The following FAM107A variants were observed in gnomAD, a reference collection of about 807,000 sequenced individuals.
FAM107A encodes actin-associated protein FAM107A.
A neutral mutation model predicts 13.7 loss-of-function variants in FAM107A; 19 were observed. The ratio of observed to expected loss-of-function variants is 1.38; its 90% CI spans 0.97 to 2.03. The LOEUF is 2.03. Ranked by LOEUF, FAM107A falls within the 30% of genes most tolerant of loss-of-function variation. The pLI, the probability that FAM107A is intolerant of heterozygous loss-of-function variation, is 0.00. For missense variants in FAM107A, 203 were observed against 184.4 expected, an observed-to-expected ratio of 1.10 and a Z score of -0.58; for synonymous variants, 82 against 74.5, an observed-to-expected ratio of 1.10 and a Z score of -0.52.
intron 1 of FAM107A, among the ~76,000 whole-genome samples, chr3:58,609,648 C>T (rs6786619): frequency 2.0e-5 from 3 of 152,166 alleles, no homozygotes; most frequent in Non-Finnish European, 4.4e-5. Context: ...CTCCTACAGC[C>T]GCTTTTTGTT....
At chr3:58,570,250 A>G (rs905147905) in intron 1 of FAM107A, 2 of 390,368 alleles carry the variant, frequency 5.1e-6, no homozygotes, top group African/African-American at 4.4e-5. Flanking sequence ...CAGAAAAGGA[A>G]AATATATTTA....
upstream of FAM107A, among the ~76,000 whole-genome samples, chr3:58,588,715 C>A (rs77629772): frequency 7.0e-3 from 1,066 of 152,256 alleles, 8 homozygotes; most frequent in African/African-American, 0.025. Context: ...TTCTTTCTTT[C>A]TTTATTTTTT....
chr3:58,589,252 C>T, upstream of FAM107A: 10 of 1,535,060 alleles, frequency 6.5e-6, no homozygotes, highest in Non-Finnish European at 8.7e-6. Flanking sequence ...GAAATCTGGC[C>T]TGAGGAGAGT....
chr3:58,575,533 C>G (rs1398899701), intron 1 of FAM107A, among the ~76,000 whole-genome samples: 1 of 152,176 alleles, frequency 6.6e-6, no homozygotes, highest in Non-Finnish European at 1.5e-5. Context: ...TCTCGATACA[C>G]AGAGAGTAAG....
chr3:58,623,651 C>T (rs143194256), intron 1 of FAM107A, among the ~76,000 whole-genome samples: 119 of 152,292 alleles, frequency 7.8e-4, no homozygotes, highest in African/African-American at 2.6e-3. Flanking sequence ...CCTTCAGAAG[C>T]GCCGGCAGTG....
At chr3:58,576,605 G>A (rs1158636792) in intron 1 of FAM107A, among the ~76,000 whole-genome samples, 3 of 152,356 alleles carry the variant, frequency 2.0e-5, no homozygotes, top group African/African-American at 7.2e-5. Flanking sequence ...TTTGGTAGCA[G>A]TTTCAAAAAG....
At chr3:58,595,700 GCA>G (rs151159375) in intron 1 of FAM107A, among the ~76,000 whole-genome samples, 13 of 150,866 alleles carry the variant, frequency 8.6e-5, no homozygotes, top group African/African-American at 9.7e-5. Flanking sequence ...CTTGTTGCGT[GCA>G]CACACACACA....
chr3:58,590,450 A>G (rs1575448318), upstream of FAM107A, among the ~76,000 whole-genome samples: 2 of 152,322 alleles, frequency 1.3e-5, no homozygotes, highest in Admixed American at 1.3e-4. Context: ...CCTGGATACC[A>G]ACAGTAATTT....
At chr3:58,570,248 GA>G in intron 1 of FAM107A, 1 of 392,876 alleles carries the variant, frequency 2.5e-6, no homozygotes, top group Non-Finnish European at 3.5e-6. Flanking sequence ...AACAGAAAAG[GA>G]AAATATATTT....
intron 1 of FAM107A, among the ~76,000 whole-genome samples, chr3:58,593,061 T>G (rs2065667085): frequency 6.6e-6 from 1 of 152,000 alleles, no homozygotes; most frequent in Non-Finnish European, 1.5e-5. Flanking sequence ...CCCCACTCAG[T>G]CATCTATAGT....
chr3:58,568,956 C>T (rs964114847), intron 2 of FAM107A, among the ~76,000 whole-genome samples: 4 of 152,114 alleles, frequency 2.6e-5, no homozygotes, highest in Admixed American at 6.5e-5. Context: ...CACGGAAAAG[C>T]CAGCCACCAT....
chr3:58,626,525 T>A (rs1430068440), intron 1 of FAM107A, among the ~76,000 whole-genome samples: 1 of 152,222 alleles, frequency 6.6e-6, no homozygotes, highest in Non-Finnish European at 1.5e-5. Flanking sequence ...TGGCCCTATT[T>A]TACAGGTGAG....
intron 1 of FAM107A, among the ~76,000 whole-genome samples, chr3:58,610,697 G>A (rs1374428672): frequency 6.6e-6 from 1 of 152,232 alleles, no homozygotes; most frequent in Non-Finnish European, 1.5e-5. Context: ...TATTCCCAGA[G>A]GAATTCTCAA....
chr3:58,576,194 C>T (rs2063729505), intron 1 of FAM107A, among the ~76,000 whole-genome samples: 2 of 152,234 alleles, frequency 1.3e-5, no homozygotes, highest in African/African-American at 4.8e-5. Flanking sequence ...CTCGGAAGCC[C>T]CCAGCAGAGC....
chr3:58,582,768 T>G (rs185372527), intron 1 of FAM107A, among the ~76,000 whole-genome samples: 7 of 152,338 alleles, frequency 4.6e-5, no homozygotes, highest in African/African-American at 1.7e-4. Context: ...TGGCAACTAT[T>G]ATTTTGATAA....
Position 58,566,699 on chromosome 3 carries a change from A to G in FAM107A, c.328-4T>C, listed in dbSNP as rs373180526. The stretch of plus-strand genomic sequence containing the variant: ...CCTTCTCTGGTGGTTTTTCCAGCTG[A>G]AGGAGGGAGAAGCAGAGAGTGAAGT... On this transcript the variant is annotated splice_region_variant and splice_polypyrimidine_tract_variant and intron_variant, in intron 3 of 3. Coordinates refer to ENST00000360997, the MANE Select transcript of FAM107A (RefSeq NM_001076778.3). 4.9e-5 allele frequency: 79 copies of G among 1,606,336 alleles called. No homozygotes were observed. The highest frequency in any genetic ancestry group is 6.4e-5 in the Non-Finnish European group (75 of 1,173,184).
rs57244654 is a variant in FAM107A at position 58,599,696 on chromosome 3, A to ATTTTTTTTTTTT, written c.-69-10439_-69-10428dup. On this transcript the variant is annotated intron_variant, in intron 1 of 3. Transcript: ENST00000465970. ...GTGGTATACTTAAAACAAGTGCACC[A>ATTTTTTTTTTTT]TTTTTTTTTTTTTTTTTTTTTTTTT... Among the ~76,000 whole-genome samples the ATTTTTTTTTTTT allele has an allele frequency of 3.7e-3, 289 of 78,522 alleles. 75 individuals are homozygous for ATTTTTTTTTTTT. Among genetic ancestry groups the ATTTTTTTTTTTT allele is most frequent in the Non-Finnish European group, 5.6e-3 (210 of 37,376 alleles). 51.5% of individuals were successfully genotyped at this position (78,522 alleles called of 152,430 possible).
chr3:58,594,228 G>A (rs192533606), intron 1 of FAM107A, among the ~76,000 whole-genome samples: 4 of 152,274 alleles, frequency 2.6e-5, no homozygotes, highest in Admixed American at 6.5e-5. Context: ...TATTGCTTAG[G>A]AAGACATTTG....
In FAM107A at chr3:58,577,331, A is replaced by G; in HGVS notation, c.-28T>C. ...TACTTCTCAGGTCGAGTCCTTGGGA[A>G]GGGAAGTCAGGAGCGTGTTGCTGGG... is the stretch of plus-strand genomic sequence containing the variant. On this transcript the variant is annotated 5_prime_UTR_variant, in exon 1 of 4. Coordinates refer to ENST00000360997, the MANE Select transcript of FAM107A (RefSeq NM_001076778.3). This position sits in a 1 kb window ranked among gnomAD's most constrained non-coding sequence, Gnocchi z 4.9. 3.0e-6 allele frequency: 3 copies of G among 985,434 alleles called. No individual in the cohort carries two copies. Among genetic ancestry groups the G allele is most frequent in the Non-Finnish European group, 3.6e-6 (3 of 829,926 alleles). 61.0% of individuals were successfully genotyped at this position (985,434 alleles called of 1,614,324 possible).
Sources: gnomAD v4.1 joint callset for allele counts (sites outside exome capture counted in the v4.1 genomes callset) on GRCh38, gnomAD v4.1.1 for gene constraint, Gnocchi (gnomAD v3.1) non-coding constraint, MANE v1.5 for transcripts, NCBI Gene and HGNC (gene_info 2026-07-23, HGNC 2026-07-21) for gene names.